The following CRB1 variants were observed in gnomAD, a reference collection of about 807,000 sequenced individuals.
CRB1 encodes the protein crumbs cell polarity complex component 1.
A neutral mutation model predicts 120.0 loss-of-function variants in CRB1; 83 were observed. That is an observed-to-expected ratio of 0.69 (90% CI 0.58 to 0.83). The LOEUF is 0.83. CRB1 is among the 40% of genes least tolerant of loss of function. The probability of loss-of-function intolerance (pLI) is 0.00; values close to 1 mark genes in which losing one functional copy is unlikely to be tolerated. For synonymous variants in CRB1, 625 were observed against 612.5 expected (o/e 1.02, Z -0.30); for missense variants, 1,699 against 1,687.6 (o/e 1.01, Z -0.12).
In CRB1 at chr1:197,478,034, G is replaced by GTGGT; in HGVS notation, c.*157_*160dup. 1 of 786,846 alleles carries GTGGT rather than the reference G, an allele frequency of 1.3e-6. No individual in the cohort carries two copies. Among genetic ancestry groups the GTGGT allele is most frequent in the Non-Finnish European group, 2.2e-6 (1 of 460,992 alleles). 48.7% of individuals were successfully genotyped at this position (786,846 alleles called of 1,614,324 possible). On this transcript the variant is annotated 3_prime_UTR_variant, in exon 12 of 12. Transcript: ENST00000367400. ...TTTGACCACCTTAAAAACTTTCACA[G>GTGGT]TGGTTCCGCTCGACACCATTGTTTT...
chr1:197,312,806 GTTAAA>G (rs1019088067), intron 1 of CRB1, among the ~76,000 whole-genome samples: 61 of 151,604 alleles, frequency 4.0e-4, no homozygotes, highest in African/African-American at 1.5e-3. Flanking sequence ...ATTTTATCCA[GTTAAA>G]TTTTTTTACA....
intron 11 of CRB1, among the ~76,000 whole-genome samples, chr1:197,462,586 G>A (rs1666578567): frequency 1.3e-5 from 2 of 152,146 alleles, no homozygotes; most frequent in Non-Finnish European, 2.9e-5. Flanking sequence ...AGGCAAAGGA[G>A]CCAGTGTGTT....
At chr1:197,341,211 T>C (rs1659435951) in intron 2 of CRB1, among the ~76,000 whole-genome samples, 1 of 152,070 alleles carries the variant, frequency 6.6e-6, no homozygotes, top group Non-Finnish European at 1.5e-5. Flanking sequence ...TCTCAATGCC[T>C]GTGAGATAAC....
At chr1:197,349,543 T>C (rs552736965) in intron 4 of CRB1, among the ~76,000 whole-genome samples, 1 of 152,302 alleles carries the variant, frequency 6.6e-6, no homozygotes, top group African/African-American at 2.4e-5. Flanking sequence ...AACTTTATTG[T>C]CTAAGAAAAT....
At chr1:197,274,423 C>G (rs1655076814) in intron 1 of CRB1, among the ~76,000 whole-genome samples, 1 of 152,134 alleles carries the variant, frequency 6.6e-6, no homozygotes, top group South Asian at 2.1e-4. Flanking sequence ...ATTGTTGTGT[C>G]AAAGTCTGAA....
At chr1:197,361,937 A>T (rs1448572422) in intron 5 of CRB1, among the ~76,000 whole-genome samples, 1 of 151,206 alleles carries the variant, frequency 6.6e-6, no homozygotes, top group African/African-American at 2.4e-5. Flanking sequence ...TTTATTACTG[A>T]TTTAAGACCT....
chr1:197,269,815 A>T (rs572226721), intron 1 of CRB1, among the ~76,000 whole-genome samples: 1 of 152,226 alleles, frequency 6.6e-6, no homozygotes, highest in Non-Finnish European at 1.5e-5. Context: ...AATTAAAAGT[A>T]TAGTAACTAT....
chr1:197,334,261 A>G (rs1462395557), intron 2 of CRB1, among the ~76,000 whole-genome samples: 1 of 152,230 alleles, frequency 6.6e-6, no homozygotes, highest in Non-Finnish European at 1.5e-5. Flanking sequence ...TCCATGAGGC[A>G]AGGAAACACA....
chr1:197,268,763 C>T (rs1282648551), intron 1 of CRB1, among the ~76,000 whole-genome samples: 1 of 152,102 alleles, frequency 6.6e-6, no homozygotes, highest in Non-Finnish European at 1.5e-5. Context: ...GTCACATAGA[C>T]TAGAAGATAT....
chr1:197,243,114 TA>T, the CRB1 span, among the ~76,000 whole-genome samples: 52 of 151,906 alleles, frequency 3.4e-4, no homozygotes, highest in African/African-American at 1.2e-3. Flanking sequence ...TTAATCTTTT[TA>T]AAAAAAACCA....
intron 1 of CRB1, among the ~76,000 whole-genome samples, chr1:197,271,053 A>G (rs187431464): frequency 9.9e-4 from 150 of 152,102 alleles, no homozygotes; most frequent in Non-Finnish European, 4.6e-4. Flanking sequence ...TAAAAAATTA[A>G]TGGGGCATCG....
chr1:197,341,327 G>A (rs565767664), intron 2 of CRB1, among the ~76,000 whole-genome samples: 1 of 152,122 alleles, frequency 6.6e-6, no homozygotes, highest in South Asian at 2.1e-4. Context: ...CGGATCACTT[G>A]AGGTCAGGAG....
chr1:197,383,369 C>T (rs1034342968), intron 5 of CRB1, among the ~76,000 whole-genome samples: 1 of 152,124 alleles, frequency 6.6e-6, no homozygotes, highest in African/African-American at 2.4e-5. Context: ...CAACTGGACC[C>T]GCTACGCTCT....
chr1:197,232,976 C>T, the CRB1 span, among the ~76,000 whole-genome samples: 2 of 151,796 alleles, frequency 1.3e-5, no homozygotes, highest in Non-Finnish European at 2.9e-5. Context: ...AGATATACTT[C>T]GGATTTATTT....
At chr1:197,457,314 C>T (rs1259012542) in intron 11 of CRB1, among the ~76,000 whole-genome samples, 1 of 152,030 alleles carries the variant, frequency 6.6e-6, no homozygotes, top group Non-Finnish European at 1.5e-5. Context: ...TTATTATTCA[C>T]AAAATCCCAA....
chr1:197,213,827 T>G, the CRB1 span, among the ~76,000 whole-genome samples: 1 of 151,994 alleles, frequency 6.6e-6, no homozygotes. Flanking sequence ...TAAAAACATA[T>G]TGATACAAAA....
chr1:197,348,615 T>C (rs1436585434), intron 4 of CRB1, among the ~76,000 whole-genome samples: 1 of 152,174 alleles, frequency 6.6e-6, no homozygotes, highest in Non-Finnish European at 1.5e-5. Context: ...TAGCTGGTAC[T>C]ACAGGTGCCT....
At chr1:197,357,040 T>A (rs1017331125) in intron 5 of CRB1, 27 bp downstream of exon 5, 2 of 1,611,774 alleles carry the variant, frequency 1.2e-6, no homozygotes, top group African/African-American at 2.7e-5. Context: ...GGGATATGAC[T>A]TGACTTTCTG....
At chr1:197,463,617 TG>T (rs1227249487) in intron 11 of CRB1, among the ~76,000 whole-genome samples, 1 of 152,234 alleles carries the variant, frequency 6.6e-6, no homozygotes, top group Admixed American at 6.5e-5. Context: ...GATTCTAAGC[TG>T]CTTACTAGCT....
Sources: allele counts gnomAD v4.1 joint callset (sites outside exome capture counted in the v4.1 genomes callset), GRCh38; gene constraint gnomAD v4.1.1; transcripts MANE v1.5; gene names NCBI Gene and HGNC (gene_info 2026-07-23, HGNC 2026-07-21).